Variants in PPA2 observed in about 807,000 individuals in gnomAD.
The protein encoded by PPA2 is inorganic pyrophosphatase 2.
PPA2 carries 48 observed loss-of-function variants against 49.5 expected under a neutral mutation model. The observed-to-expected ratio is 0.97, with a 90% CI of 0.77 to 1.23. The LOEUF is 1.23. Among genes scored for constraint, PPA2 ranks in the 50% most tolerant of loss-of-function variants. The pLI is 0.00. For synonymous variants in PPA2, 131 were observed against 139.9 expected, an observed-to-expected ratio of 0.94 and a Z score of 0.45; for missense variants, 429 against 410.1, an observed-to-expected ratio of 1.05 and a Z score of -0.40.
chr4:105,456,381 C>T (rs947240113), intron 2 of PPA2: 30 of 432,284 alleles, frequency 6.9e-5, no homozygotes, highest in Admixed American at 3.2e-4. Context: ...CAAACGTTAG[C>T]TGATTATTGT....
chr4:105,453,596 A>G lies in PPA2; in HGVS notation c.267+2T>C, dbSNP rs540217910. ...CACAAAAATAAAAACCTTTGGATATACCTCATATTCATCATTTCGTGCTTT... is the reference window on the plus strand; with the variant it reads ...CACAAAAATAAAAACCTTTGGATATGCCTCATATTCATCATTTCGTGCTTT... On this transcript the variant is annotated splice_donor_variant, in intron 3 of 11. Transcript: ENST00000341695. LOFTEE classifies it high-confidence loss of function. The G allele has an allele frequency of 1.2e-6, 2 of 1,600,300 alleles. No individual in the cohort carries two copies. The highest frequency in any genetic ancestry group is 1.7e-5 in the Admixed American group (1 of 58,482).
intron 3 of PPA2, among the ~76,000 whole-genome samples, chr4:105,452,257 A>AT (rs561279460): frequency 6.2e-4 from 94 of 152,342 alleles, no homozygotes; most frequent in African/African-American, 2.2e-3. Context: ...TTAAATTTTA[A>AT]TTTGAATGTC....
chr4:105,417,184 G>A (rs1282622964), intron 7 of PPA2, among the ~76,000 whole-genome samples: 1 of 152,144 alleles, frequency 6.6e-6, no homozygotes, highest in African/African-American at 2.4e-5. Context: ...TGAACTTCCA[G>A]CTTCATCACT....
chr4:105,466,711 C>T (rs1723316816), intron 1 of PPA2, among the ~76,000 whole-genome samples: 1 of 152,044 alleles, frequency 6.6e-6, no homozygotes, highest in Admixed American at 6.5e-5. Flanking sequence ...CACGGTTTGA[C>T]CTTTCAACTT....
intron 5 of PPA2, 152 bp downstream of exon 5, chr4:105,446,231 C>T (rs1028312389): frequency 1.1e-4 from 85 of 756,914 alleles, no homozygotes; most frequent in Non-Finnish European, 1.6e-4. Flanking sequence ...TATTGATATA[C>T]TAAAACTCCA....
intron 6 of PPA2, among the ~76,000 whole-genome samples, chr4:105,437,040 T>C (rs1724092571): frequency 6.6e-6 from 1 of 151,992 alleles, no homozygotes; most frequent in East Asian, 1.9e-4. Flanking sequence ...GCCTACAGAA[T>C]GGGAGAAAAA....
intron 8 of PPA2, chr4:105,398,414 C>T (rs1578816848): frequency 1.3e-5 from 2 of 152,248 alleles, no homozygotes; most frequent in East Asian, 3.9e-4. Flanking sequence ...CCTTATTTCA[C>T]TTATAAAACA....
intron 5 of PPA2, among the ~76,000 whole-genome samples, chr4:105,443,105 C>T (rs1219734130): frequency 6.6e-6 from 1 of 151,872 alleles, no homozygotes; most frequent in Non-Finnish European, 1.5e-5. Flanking sequence ...CAGCAGGTTA[C>T]AATTTGGCAG....
chr4:105,427,997 T>A (rs1285446534), intron 6 of PPA2, among the ~76,000 whole-genome samples: 1 of 152,106 alleles, frequency 6.6e-6, no homozygotes, highest in African/African-American at 2.4e-5. Flanking sequence ...TAACAGCAGA[T>A]CTCTTGGCAG....
chr4:105,448,881 T>A (rs1445169494), intron 4 of PPA2, among the ~76,000 whole-genome samples: 1 of 152,002 alleles, frequency 6.6e-6, no homozygotes, highest in East Asian at 1.9e-4. Context: ...TATAAAACTA[T>A]AACGTATATA....
At chr4:105,402,196 T>C (rs565753489) in intron 7 of PPA2, among the ~76,000 whole-genome samples, 1 of 151,870 alleles carries the variant, frequency 6.6e-6, no homozygotes, top group East Asian at 1.9e-4. Flanking sequence ...TGCTTGAGCC[T>C]AGGAGTTTGA....
chr4:105,430,136 C>T (rs1723728803), intron 6 of PPA2, among the ~76,000 whole-genome samples: 3 of 152,146 alleles, frequency 2.0e-5, no homozygotes, highest in Non-Finnish European at 4.4e-5. Context: ...TGCAGTTTTA[C>T]ATTTAGAAAA....
intron 9 of PPA2, among the ~76,000 whole-genome samples, chr4:105,388,828 A>AAAT (rs1354336894): frequency 1.0e-5 from 1 of 96,518 alleles, no homozygotes; most frequent in Non-Finnish European, 2.6e-5. Flanking sequence ...ACGTCTCCAA[A>AAAT]AAAAAAAGAA....
chr4:105,434,718 A>G (rs900404875), intron 6 of PPA2, among the ~76,000 whole-genome samples: 2 of 152,232 alleles, frequency 1.3e-5, no homozygotes, highest in African/African-American at 4.8e-5. Flanking sequence ...AGAACAGATA[A>G]GACATGTATA....
At chr4:105,415,940 G>C (rs962895364) in intron 7 of PPA2, among the ~76,000 whole-genome samples, 1 of 152,218 alleles carries the variant, frequency 6.6e-6, no homozygotes, top group African/African-American at 2.4e-5. Context: ...ACAGGTGTGT[G>C]TGAGGCAAAT....
intron 7 of PPA2, among the ~76,000 whole-genome samples, chr4:105,423,702 G>A (rs568792138): frequency 3.3e-5 from 5 of 152,110 alleles, no homozygotes; most frequent in Non-Finnish European, 7.4e-5. Context: ...TCAAAATTTC[G>A]TTAGAGGGCA....
intron 2 of PPA2, among the ~76,000 whole-genome samples, chr4:105,455,150 C>G (rs1722828447): frequency 2.0e-5 from 3 of 152,162 alleles, no homozygotes; most frequent in Admixed American, 2.0e-4. Flanking sequence ...AGAACAGTGC[C>G]TGGCTCATAA....
chr4:105,469,612 T>C (rs528677724), intron 1 of PPA2, among the ~76,000 whole-genome samples: 1 of 152,330 alleles, frequency 6.6e-6, no homozygotes, highest in South Asian at 2.1e-4. Flanking sequence ...GATTAAGAAA[T>C]GTAAAGGAGC....
intron 1 of PPA2, among the ~76,000 whole-genome samples, chr4:105,470,929 C>A (rs4699177): frequency 0.55 from 83,560 of 152,102 alleles, 25,765 homozygotes; most frequent in Non-Finnish European, 0.7. Flanking sequence ...AGCACAGTTG[C>A]TTCTGGAAGT....
Sources: allele counts gnomAD v4.1 joint callset (sites outside exome capture counted in the v4.1 genomes callset), GRCh38; gene constraint gnomAD v4.1.1; transcripts MANE v1.5; gene names NCBI Gene and HGNC (gene_info 2026-07-23, HGNC 2026-07-21).